Variants in MAP2 observed in about 807,000 individuals in gnomAD.
MAP2 encodes microtubule associated protein 2.
In MAP2, 14 loss-of-function variants were observed where a neutral mutation model predicts 137.6. The observed-to-expected ratio is 0.10, with a 90% CI of 0.07 to 0.16. The LOEUF (loss-of-function observed/expected upper bound fraction) is 0.16. MAP2 is among the 10% of genes least tolerant of loss of function. MAP2 has a pLI of 1.00. For synonymous variants in MAP2, 786 were observed against 782.3 expected, an observed-to-expected ratio of 1.00 and a Z score of -0.08; for missense variants, 2,088 against 2,191.5, an observed-to-expected ratio of 0.95 and a Z score of 0.94.
intron 3 of MAP2, among the ~76,000 whole-genome samples, chr2:209,587,831 C>T (rs1204465865): frequency 1.3e-5 from 2 of 152,252 alleles, no homozygotes; most frequent in East Asian, 3.9e-4. Context: ...GTCTCCAGAC[C>T]TTGTTATCAT....
chr2:209,545,528 C>T (rs1305444284), intron 2 of MAP2, among the ~76,000 whole-genome samples: 2 of 152,102 alleles, frequency 1.3e-5, no homozygotes, highest in Non-Finnish European at 2.9e-5. Flanking sequence ...CATTATTAGT[C>T]AAGTCATAAG....
At position 209,695,690 on chromosome 2, in the gene MAP2, C is replaced by T. The variant is rs757023262; in HGVS notation, c.3520C>T (p.Pro1174Ser). Residue 1174 changes from proline to serine, a missense_variant, in exon 8 of 16, where the codon CCT becomes TCT. Around this residue, in one of 6 missense-constraint regions of MAP2, gnomAD observed 591 missense variants for 642.6 expected, o/e 0.92. Coordinates refer to ENST00000682079, the MANE Select transcript of MAP2 (RefSeq NM_001375505.1). ...EIAVKLSVEI[P>S]CPPAVSEADL... ...TGCCGTCAAATTGTCAGTGGAAATA[C>T]CTTGCCCACCTGCTGTTTCAGAGGC... is the stretch of plus-strand genomic sequence containing the variant. 29 of 1,613,962 alleles carry T rather than the reference C, an allele frequency of 1.8e-5. No individual in the cohort carries two copies. The highest frequency in any genetic ancestry group is 3.3e-4 in the Middle Eastern group (2 of 6,084).
chr2:209,704,049 T>G, intron 11 of MAP2: 1 of 454,858 alleles, frequency 2.2e-6, no homozygotes, highest in South Asian at 1.6e-5. Flanking sequence ...GAGCTTATAT[T>G]GATTCCATCA....
At chr2:209,580,459 C>T (rs1381902629) in intron 3 of MAP2, among the ~76,000 whole-genome samples, 1 of 152,046 alleles carries the variant, frequency 6.6e-6, no homozygotes. Context: ...ATGATTTTAT[C>T]TGAACAAATC....
intron 14 of MAP2, 31 bp downstream of exon 14, chr2:209,725,821 A>C (rs2073722639): frequency 6.9e-6 from 10 of 1,450,200 alleles, no homozygotes; most frequent in Non-Finnish European, 9.4e-6. Flanking sequence ...AGTTTGAGAA[A>C]TATTTAACTG....
intron 4 of MAP2, among the ~76,000 whole-genome samples, chr2:209,633,497 T>A (rs1016002192): frequency 2.6e-5 from 4 of 152,162 alleles, no homozygotes; most frequent in Non-Finnish European, 4.4e-5. Context: ...TTGTTAATAG[T>A]TGTTACTAAG....
intron 2 of MAP2, among the ~76,000 whole-genome samples, chr2:209,575,878 A>C (rs1204037113): frequency 6.6e-6 from 1 of 152,202 alleles, no homozygotes. Flanking sequence ...AAAATGCAGC[A>C]GGGAATGAAA....
intron 5 of MAP2, among the ~76,000 whole-genome samples, chr2:209,657,373 A>G (rs998537673): frequency 1.3e-5 from 2 of 152,212 alleles, no homozygotes; most frequent in Admixed American, 6.5e-5. Context: ...TAAAGACTGT[A>G]GTAATTTAAC....
At chr2:209,632,368 A>T (rs1435936187) in intron 4 of MAP2, among the ~76,000 whole-genome samples, 1 of 152,174 alleles carries the variant, frequency 6.6e-6, no homozygotes, top group Non-Finnish European at 1.5e-5. Flanking sequence ...GTGGAGAAAC[A>T]GAGAAAAATG....
chr2:209,649,195 T>C (rs764856497), intron 4 of MAP2, among the ~76,000 whole-genome samples: 4 of 143,886 alleles, frequency 2.8e-5, no homozygotes, highest in Non-Finnish European at 4.5e-5. Flanking sequence ...AAAAATTTTT[T>C]TGTAGAGATG....
Position 209,609,314 on chromosome 2 carries a change from T to C in MAP2, c.-106-15739T>C, listed in dbSNP as rs532480888. Among the ~76,000 whole-genome samples, 6 of 152,300 alleles carry C rather than the reference T, an allele frequency of 3.9e-5. No homozygotes were observed. The South Asian group carries it at 6.2e-4, about 16-fold the overall frequency. ...GAATTAACATATGTCATTGGGTCATTAATTTTGTTTGAAAATAATAGCTAT... is the reference window on the plus strand; with the variant it reads ...GAATTAACATATGTCATTGGGTCATCAATTTTGTTTGAAAATAATAGCTAT... On this transcript the variant is annotated intron_variant, in intron 3 of 15. Transcript: ENST00000682079.
chr2:209,671,504 G>A (rs964921023), intron 5 of MAP2, among the ~76,000 whole-genome samples: 10 of 151,610 alleles, frequency 6.6e-5, no homozygotes, highest in African/African-American at 2.4e-4. Context: ...AATTAGCATC[G>A]GTTTCCTAGG....
rs1491412820 is a variant in MAP2 at position 209,512,601 on chromosome 2, A to AC, written c.-172+4960_-172+4961insC. ...CACACACACACACACACACACACAC[A>AC]AACACATATATATATAAAATGTATG... is the stretch of plus-strand genomic sequence containing the variant. On this transcript the variant is annotated intron_variant, in intron 2 of 15. Coordinates refer to ENST00000682079, the MANE Select transcript of MAP2 (RefSeq NM_001375505.1). Among the ~76,000 whole-genome samples, 392 of 131,014 alleles carry AC rather than the reference A, an allele frequency of 3.0e-3. 4 individuals carry two copies. The highest frequency in any genetic ancestry group is 9.1e-4 in the Non-Finnish European group (54 of 59,132). The allele number at this position is 131,014 out of a possible 152,430, so 86.0% of individuals were successfully genotyped here. A position where few individuals can be genotyped will look rare whatever the true frequency, so the allele number is the denominator to read the frequency against.
At chr2:209,713,000 C>T (rs1285994108) in intron 13 of MAP2, among the ~76,000 whole-genome samples, 1 of 151,980 alleles carries the variant, frequency 6.6e-6, no homozygotes, top group Non-Finnish European at 1.5e-5. Flanking sequence ...ACTTTCTTCA[C>T]GGGCCAGGTT....
intron 3 of MAP2, among the ~76,000 whole-genome samples, chr2:209,602,260 G>T (rs2083232608): frequency 6.6e-6 from 1 of 151,996 alleles, no homozygotes; most frequent in Admixed American, 6.6e-5. Flanking sequence ...TTACTGTTTG[G>T]GTTAAAAATA....
rs964470274 is a variant in MAP2, at chr2:209,732,517, A to G, written c.*2120A>G. On this transcript the variant is annotated 3_prime_UTR_variant, in exon 16 of 16. Coordinates refer to ENST00000682079, the MANE Select transcript of MAP2 (RefSeq NM_001375505.1). ...TTTGACCAATCTGGGCAATTTATTC[A>G]TCAGCTTCCCTTGAAGTGCACCAGA... 6.6e-6 allele frequency: 1 copy of G among 152,242 alleles called. No homozygotes were observed. The highest frequency in any genetic ancestry group is 1.5e-5 in the Non-Finnish European group (1 of 68,046). The allele number at this position is 152,242 out of a possible 1,614,324, so 9.4% of individuals were successfully genotyped here. A position where few individuals can be genotyped will look rare whatever the true frequency, so the allele number is the denominator to read the frequency against.
intron 3 of MAP2, among the ~76,000 whole-genome samples, chr2:209,613,500 C>T (rs2087795856): frequency 6.6e-6 from 1 of 152,122 alleles, no homozygotes; most frequent in East Asian, 1.9e-4. Context: ...TGAAATCATG[C>T]AAGTCACTAG....
intron 15 of MAP2, 36 bp from the exon 16 acceptor site, chr2:209,730,146 C>T: frequency 6.5e-7 from 1 of 1,546,438 alleles, no homozygotes; most frequent in African/African-American, 1.4e-5. Flanking sequence ...AGTTAAGATG[C>T]ATGAGTTAAC....
At chr2:209,623,253 A>G (rs2091628328) in intron 3 of MAP2, among the ~76,000 whole-genome samples, 1 of 152,156 alleles carries the variant, frequency 6.6e-6, no homozygotes. Context: ...AGTGCGTGGG[A>G]GTGGCTATGT....
Sources: gnomAD v4.1 joint callset for allele counts (sites outside exome capture counted in the v4.1 genomes callset) on GRCh38, gnomAD v4.1.1 for gene constraint, gnomAD v4.1.1 regional missense constraint, MANE v1.5 for transcripts, NCBI Gene and HGNC (gene_info 2026-07-23, HGNC 2026-07-21) for gene names.